SMYD3: variants seen among roughly 807,000 people sequenced by gnomAD.
The protein encoded by SMYD3 is histone-lysine N-methyltransferase SMYD3.
Under a neutral mutation model 57.7 loss-of-function variants are expected in SMYD3, and 36 were observed. That is an observed-to-expected ratio of 0.62 (90% CI 0.48 to 0.82). The LOEUF is 0.82. SMYD3 is among the 40% of genes least tolerant of loss of function. The pLI, the probability that SMYD3 is intolerant of heterozygous loss-of-function variation, is 0.00. For synonymous variants in SMYD3, 211 were observed against 195.0 expected (o/e 1.08, Z -0.68); for missense variants, 515 against 538.8 (o/e 0.96, Z 0.44).
chr1:246,264,046 T>G (rs1407314120), intron 5 of SMYD3, among the ~76,000 whole-genome samples: 2 of 152,142 alleles, frequency 1.3e-5, no homozygotes, highest in Non-Finnish European at 2.9e-5. Context: ...TAAATGTTTT[T>G]TTTTTTGTTG....
chr1:246,164,822 A>G (rs562393104), intron 5 of SMYD3, among the ~76,000 whole-genome samples: 1 of 152,254 alleles, frequency 6.6e-6, no homozygotes, highest in South Asian at 2.1e-4. Flanking sequence ...ACATCTATTT[A>G]TCAGTCCGTT....
intron 7 of SMYD3, among the ~76,000 whole-genome samples, chr1:245,919,261 A>T (rs144608580): frequency 1.3e-5 from 2 of 152,212 alleles, no homozygotes; most frequent in African/African-American, 2.4e-5. Context: ...AAGGCACACA[A>T]GGATTTCCCT....
chr1:246,248,673 G>A (rs575191904), intron 5 of SMYD3, among the ~76,000 whole-genome samples: 8 of 124,392 alleles, frequency 6.4e-5, no homozygotes, highest in Non-Finnish European at 1.3e-4. Flanking sequence ...ATGGAGTCTC[G>A]CTCTGTCGCC....
intron 5 of SMYD3, among the ~76,000 whole-genome samples, chr1:246,300,259 C>A (rs1287095566): frequency 1.3e-5 from 2 of 151,928 alleles, no homozygotes; most frequent in South Asian, 2.1e-4. Flanking sequence ...TTTATAGACC[C>A]CAATAAACAT....
chr1:245,994,256 T>C (rs953400061), intron 5 of SMYD3, among the ~76,000 whole-genome samples: 1 of 152,230 alleles, frequency 6.6e-6, no homozygotes, highest in Non-Finnish European at 1.5e-5. Context: ...CTTCATAGCA[T>C]ACACATTAGG....
rs149683175 is a variant in SMYD3, at chr1:245,801,392, C to G, written c.1077-37243G>C. Among the ~76,000 whole-genome samples the G allele has an allele frequency of 5.5e-3, 841 of 152,320 alleles. 10 individuals are homozygous for G. The highest frequency in any genetic ancestry group is 0.019 in the African/African-American group (790 of 41,578). ...CCTGGAGGGCATGGAATCAGGCCAT[C>G]ATTTCTAGCCACGGTAACTAAACTT... On this transcript the variant is annotated intron_variant, in intron 10 of 11. Coordinates refer to ENST00000490107, the MANE Select transcript of SMYD3 (RefSeq NM_001167740.2).
chr1:246,506,924 C>T, intron 1 of SMYD3, 130 bp downstream of exon 1: 3 of 858,228 alleles, frequency 3.5e-6, no homozygotes, highest in Non-Finnish European at 4.9e-6. Context: ...GCGTCAGGGG[C>T]AGCACCGCCA....
chr1:245,792,808 G>A (rs958018519), intron 10 of SMYD3, among the ~76,000 whole-genome samples: 7 of 152,154 alleles, frequency 4.6e-5, no homozygotes, highest in African/African-American at 1.2e-4. Context: ...GAGGGACGAC[G>A]TCGAAGTTCA....
chr1:246,390,314 C>T (rs2066539895), intron 1 of SMYD3, among the ~76,000 whole-genome samples: 2 of 146,112 alleles, frequency 1.4e-5, no homozygotes, highest in Non-Finnish European at 1.5e-5. Context: ...ATATTATATA[C>T]TGTATTTTTA....
intron 1 of SMYD3, among the ~76,000 whole-genome samples, chr1:246,480,429 T>C (rs573983144): frequency 3.9e-5 from 6 of 152,362 alleles, no homozygotes; most frequent in Admixed American, 1.3e-4. Context: ...AAGTAAAGCA[T>C]AATGCACTCT....
chr1:245,842,908 C>T lies in SMYD3; in HGVS notation c.1076+15588G>A, dbSNP rs537643533. Among the ~76,000 whole-genome samples the T allele has an allele frequency of 2.6e-5, 4 of 152,200 alleles. No homozygotes were observed. In the East Asian group the frequency reaches 7.7e-4, roughly 29 times the overall value. On this transcript the variant is annotated intron_variant, in intron 10 of 11. Coordinates refer to ENST00000490107, the MANE Select transcript of SMYD3 (RefSeq NM_001167740.2). ...TAATTTTTTGTAAGACAAGGTCTTC[C>T]TATGTTACCCCAGGTTGATCTCAAA...
intron 10 of SMYD3, among the ~76,000 whole-genome samples, chr1:245,822,582 T>C (rs944405779): frequency 1.3e-5 from 2 of 150,548 alleles, no homozygotes; most frequent in Admixed American, 6.6e-5. Context: ...ACCGCCAGCA[T>C]GCCTCTAGTT....
intron 5 of SMYD3, among the ~76,000 whole-genome samples, chr1:245,971,212 C>G (rs1354762429): frequency 1.3e-5 from 2 of 152,206 alleles, no homozygotes; most frequent in African/African-American, 4.8e-5. Flanking sequence ...AAACCAAACA[C>G]CACATGTTCT....
intron 1 of SMYD3, among the ~76,000 whole-genome samples, chr1:246,375,983 G>C (rs2066270768): frequency 8.9e-6 from 1 of 112,422 alleles, no homozygotes; most frequent in African/African-American, 2.7e-5. Flanking sequence ...ACCAGCCTCA[G>C]CCTCCCAAAG....
chr1:246,409,552 A>G (rs1197693841), intron 1 of SMYD3, among the ~76,000 whole-genome samples: 4 of 152,224 alleles, frequency 2.6e-5, no homozygotes, highest in African/African-American at 9.7e-5. Context: ...TTTTGGTACC[A>G]GTACCATGCT....
intron 1 of SMYD3, among the ~76,000 whole-genome samples, chr1:246,398,786 T>TG (rs1181392427): frequency 2.0e-5 from 3 of 151,952 alleles, no homozygotes; most frequent in African/African-American, 7.3e-5. Context: ...GATAAACAGG[T>TG]GAGAGCATTC....
At chr1:245,928,958 G>A (rs905147865) in intron 6 of SMYD3, among the ~76,000 whole-genome samples, 1 of 152,158 alleles carries the variant, frequency 6.6e-6, no homozygotes, top group African/African-American at 2.4e-5. Context: ...ATCAGGAATT[G>A]GTAATAATTA....
chr1:245,905,273 T>A (rs2054483858), intron 8 of SMYD3, among the ~76,000 whole-genome samples: 1 of 152,000 alleles, frequency 6.6e-6, no homozygotes, highest in African/African-American at 2.4e-5. Flanking sequence ...ACCCCAAGAA[T>A]GGGTTCCTGG....
At chr1:246,237,262 C>G (rs1199822872) in intron 5 of SMYD3, among the ~76,000 whole-genome samples, 1 of 152,168 alleles carries the variant, frequency 6.6e-6, no homozygotes, top group Non-Finnish European at 1.5e-5. Context: ...GCCTGCTGCT[C>G]AAGGCTTTTC....
Sources: gnomAD v4.1 joint callset for allele counts (sites outside exome capture counted in the v4.1 genomes callset) on GRCh38, gnomAD v4.1.1 for gene constraint, MANE v1.5 for transcripts, NCBI Gene and HGNC (gene_info 2026-07-23, HGNC 2026-07-21) for gene names.